Variants in CACNA2D3 observed in about 807,000 individuals in gnomAD.
CACNA2D3 encodes voltage-dependent calcium channel subunit alpha-2/delta-3.
Under a neutral mutation model 160.6 loss-of-function variants are expected in CACNA2D3, and 60 were observed. The observed-to-expected ratio is 0.37, with a 90% CI of 0.30 to 0.46. The LOEUF is 0.46. Among genes scored for constraint, CACNA2D3 ranks in the 20% least tolerant of loss-of-function variants. The pLI, the probability that CACNA2D3 is intolerant of heterozygous loss-of-function variation, is 1.00. For missense variants in CACNA2D3, 1,205 were observed against 1,365.0 expected (o/e 0.88, Z 1.85); for synonymous variants, 558 against 492.9 (o/e 1.13, Z -1.75).
chr3:54,780,996 T>A (rs1158994949), intron 13 of CACNA2D3, among the ~76,000 whole-genome samples: 1 of 152,228 alleles, frequency 6.6e-6, no homozygotes, highest in African/African-American at 2.4e-5. Flanking sequence ...AAAAATGATA[T>A]TCCTATTTGG....
chr3:54,935,450 A>G (rs540655440), intron 27 of CACNA2D3, among the ~76,000 whole-genome samples: 1 of 152,250 alleles, frequency 6.6e-6, no homozygotes, highest in South Asian at 2.1e-4. Context: ...GCTAGTTGAC[A>G]TAAAGTTAAT....
At chr3:54,757,064 A>T (rs1253225007) in intron 12 of CACNA2D3, among the ~76,000 whole-genome samples, 1 of 152,194 alleles carries the variant, frequency 6.6e-6, no homozygotes, top group Non-Finnish European at 1.5e-5. Flanking sequence ...AGCGAACTGG[A>T]AAACAGAAAA....
chr3:54,712,899 C>T (rs972908194), intron 11 of CACNA2D3, among the ~76,000 whole-genome samples: 2 of 152,174 alleles, frequency 1.3e-5, no homozygotes, highest in Non-Finnish European at 2.9e-5. Flanking sequence ...TTAACATCAT[C>T]TGATTAGCAA....
chr3:54,375,530 G>T (rs946503634), intron 3 of CACNA2D3, among the ~76,000 whole-genome samples: 5 of 152,082 alleles, frequency 3.3e-5, no homozygotes, highest in African/African-American at 1.2e-4. Flanking sequence ...AAGGATCTGG[G>T]ACAAGAATAT....
intron 3 of CACNA2D3, among the ~76,000 whole-genome samples, chr3:54,328,277 G>A (rs529355527): frequency 6.6e-6 from 1 of 151,978 alleles, no homozygotes; most frequent in South Asian, 2.1e-4. Flanking sequence ...GTTTTGTTTC[G>A]TTTGTTTGTT....
chr3:54,543,606 G>T (rs988912689), intron 5 of CACNA2D3, among the ~76,000 whole-genome samples: 1 of 152,088 alleles, frequency 6.6e-6, no homozygotes, highest in Non-Finnish European at 1.5e-5. Flanking sequence ...CTGAGGCTTG[G>T]CCTCTCTCCC....
intron 13 of CACNA2D3, among the ~76,000 whole-genome samples, chr3:54,779,862 T>C (rs1261911660): frequency 6.6e-6 from 1 of 152,188 alleles, no homozygotes; most frequent in East Asian, 1.9e-4. Flanking sequence ...TTCCCTCTCT[T>C]TTAAAATTCT....
At chr3:54,255,213 C>T (rs115828523) in intron 2 of CACNA2D3, among the ~76,000 whole-genome samples, 204 of 152,244 alleles carry the variant, frequency 1.3e-3, no homozygotes, top group Non-Finnish European at 2.6e-3. Flanking sequence ...GTCATTCTGG[C>T]GTTAAAACCG....
intron 4 of CACNA2D3, among the ~76,000 whole-genome samples, 186 bp downstream of exon 4, chr3:54,386,960 A>G (rs970122718): frequency 3.3e-5 from 5 of 152,226 alleles, no homozygotes; most frequent in Admixed American, 6.5e-5. Flanking sequence ...AGTGACAGTT[A>G]TAATGGGTGA....
chr3:54,231,314 C>G (rs892480067), intron 2 of CACNA2D3, among the ~76,000 whole-genome samples: 1 of 152,206 alleles, frequency 6.6e-6, no homozygotes, highest in Non-Finnish European at 1.5e-5. Context: ...TTCTGGTCCT[C>G]ACTCTGCCAG....
chr3:54,785,306 T>C (rs1007956458), intron 13 of CACNA2D3, among the ~76,000 whole-genome samples: 4 of 152,236 alleles, frequency 2.6e-5, no homozygotes, highest in African/African-American at 9.6e-5. Context: ...CATCTGCTCC[T>C]CAGCTTCTCC....
intron 17 of CACNA2D3, among the ~76,000 whole-genome samples, chr3:54,848,020 C>T (rs1698972664): frequency 6.6e-6 from 1 of 152,108 alleles, no homozygotes; most frequent in African/African-American, 2.4e-5. Context: ...GAAATGGAAT[C>T]AGATGTCAGA....
At chr3:54,581,710 C>T in intron 8 of CACNA2D3, 93 bp from the exon 9 acceptor site, 1 of 1,002,966 alleles carries the variant, frequency 1.0e-6, no homozygotes, top group Admixed American at 2.1e-5. Flanking sequence ...GATTGTGCCG[C>T]TTTTTTGTTT....
chr3:54,312,604 TC>T (rs1408527097), intron 2 of CACNA2D3, among the ~76,000 whole-genome samples: 1 of 152,198 alleles, frequency 6.6e-6, no homozygotes, highest in Non-Finnish European at 1.5e-5. Flanking sequence ...ACTTTTCTCT[TC>T]GTGGTGTTTG....
chr3:55,021,601 A>ATATG (rs757802415), intron 35 of CACNA2D3, among the ~76,000 whole-genome samples: 9 of 72,124 alleles, frequency 1.2e-4, no homozygotes, highest in African/African-American at 4.9e-4. Context: ...TCTCTAAATT[A>ATATG]TATATATATA....
At chr3:54,898,205 C>T (rs1282585010) in intron 26 of CACNA2D3, among the ~76,000 whole-genome samples, 1 of 135,910 alleles carries the variant, frequency 7.4e-6, no homozygotes, top group African/African-American at 2.8e-5. Context: ...TCCTCTCTCT[C>T]TCTCTTCTCC....
At chr3:54,618,677 A>G (rs899251093) in intron 9 of CACNA2D3, among the ~76,000 whole-genome samples, 2 of 152,076 alleles carry the variant, frequency 1.3e-5, no homozygotes, top group Non-Finnish European at 2.9e-5. Flanking sequence ...CTTGGGGAAT[A>G]TGGCTCCTAA....
At chr3:54,323,560 G>A (rs995746039) in intron 3 of CACNA2D3, among the ~76,000 whole-genome samples, 54 of 150,844 alleles carry the variant, frequency 3.6e-4, no homozygotes, top group African/African-American at 2.4e-4. Flanking sequence ...TCCGCCTCCC[G>A]GGTTCACGCC....
chr3:54,586,996 A>G (rs1179644837), intron 9 of CACNA2D3, among the ~76,000 whole-genome samples: 1 of 152,110 alleles, frequency 6.6e-6, no homozygotes, highest in Non-Finnish European at 1.5e-5. Flanking sequence ...ACATATCACA[A>G]GAGGTGGAAC....
Sources: gnomAD v4.1 joint callset for allele counts (sites outside exome capture counted in the v4.1 genomes callset) on GRCh38, gnomAD v4.1.1 for gene constraint, MANE v1.5 for transcripts, NCBI Gene and HGNC (gene_info 2026-07-23, HGNC 2026-07-21) for gene names.